The following MEGF11 variants were observed in gnomAD, a reference collection of about 807,000 sequenced individuals.
The protein encoded by MEGF11 is multiple EGF like domains 11.
MEGF11 carries 126 observed loss-of-function variants against 146.6 expected under a neutral mutation model. The observed-to-expected ratio is 0.86, with a 90% CI of 0.74 to 1.00. The LOEUF is 1.00. MEGF11 is among the 50% of genes least tolerant of loss of function. The pLI is 0.00. For synonymous variants in MEGF11, 532 were observed against 583.4 expected (o/e 0.91, Z 1.27); for missense variants, 1,509 against 1,521.2 (o/e 0.99, Z 0.13).
At chr15:66,022,692 T>A (rs1345400503) in intron 5 of MEGF11, among the ~76,000 whole-genome samples, 1 of 150,852 alleles carries the variant, frequency 6.6e-6, no homozygotes. Flanking sequence ...AGCTGAGGCG[T>A]GGTGGCGCAT....
chr15:66,014,598 CA>C (rs1240765273), intron 5 of MEGF11, among the ~76,000 whole-genome samples: 1 of 152,164 alleles, frequency 6.6e-6, no homozygotes, highest in Non-Finnish European at 1.5e-5. Context: ...CAGGGTACCC[CA>C]GGAGGAGAGT....
chr15:66,123,197 A>G (rs1290507805), intron 3 of MEGF11, among the ~76,000 whole-genome samples: 8 of 152,196 alleles, frequency 5.3e-5, no homozygotes, highest in Non-Finnish European at 1.2e-4. Flanking sequence ...GAGTGACATG[A>G]TAACATATAA....
chr15:66,203,582 C>T (rs371966037), intron 1 of MEGF11, among the ~76,000 whole-genome samples: 80 of 152,276 alleles, frequency 5.3e-4, no homozygotes, highest in African/African-American at 1.8e-3. Context: ...AGAACTCTGA[C>T]CAGAGGTCCC....
intron 10 of MEGF11, among the ~76,000 whole-genome samples, chr15:65,945,782 G>A (rs1290264304): frequency 1.3e-5 from 2 of 152,094 alleles, no homozygotes; most frequent in African/African-American, 4.8e-5. Context: ...CAGCTCTCCT[G>A]GCTCCATCAC....
intron 4 of MEGF11, among the ~76,000 whole-genome samples, chr15:66,112,139 G>T (rs764308902): frequency 6.6e-6 from 1 of 151,060 alleles, no homozygotes; most frequent in East Asian, 1.9e-4. Context: ...GAATCAGCAG[G>T]CTCCATGAAC....
intron 24 of MEGF11, among the ~76,000 whole-genome samples, chr15:65,903,842 A>G (rs75457533): frequency 0.068 from 10,377 of 152,244 alleles, 370 homozygotes; most frequent in Middle Eastern, 0.099. Context: ...CTGTGACATC[A>G]TATTTTCCTC....
intron 1 of MEGF11, among the ~76,000 whole-genome samples, chr15:66,135,903 G>A (rs1484060430): frequency 6.6e-6 from 1 of 152,138 alleles, no homozygotes; most frequent in Non-Finnish European, 1.5e-5. Context: ...TCACTCTGCT[G>A]GTGCACAGGG....
chr15:65,946,680 A>C (rs898933285), intron 10 of MEGF11, among the ~76,000 whole-genome samples: 1 of 152,194 alleles, frequency 6.6e-6, no homozygotes, highest in South Asian at 2.1e-4. Context: ...GGTGTGAGCC[A>C]CTGCACCAAG....
At chr15:65,942,848 T>C in intron 10 of MEGF11, among the ~76,000 whole-genome samples, 1 of 151,986 alleles carries the variant, frequency 6.6e-6, no homozygotes. Flanking sequence ...ATCCTGGGCC[T>C]CAGTCTTCAG....
chr15:66,079,264 A>G (rs1191793491), intron 5 of MEGF11, among the ~76,000 whole-genome samples: 1 of 151,902 alleles, frequency 6.6e-6, no homozygotes, highest in Non-Finnish European at 1.5e-5. Context: ...ACAGATGAGG[A>G]CCCTCAGAAG....
chr15:65,899,498 A>G (rs1342281434), intron 24 of MEGF11, among the ~76,000 whole-genome samples: 1 of 152,166 alleles, frequency 6.6e-6, no homozygotes, highest in Non-Finnish European at 1.5e-5. Context: ...ACGTGCCACC[A>G]CACCTGACTT....
At chr15:65,904,720 A>G (rs1470722480) in intron 24 of MEGF11, among the ~76,000 whole-genome samples, 5 of 152,194 alleles carry the variant, frequency 3.3e-5, no homozygotes, top group Non-Finnish European at 7.3e-5. Flanking sequence ...GCATAAGGGT[A>G]CCCTGAGGGT....
intron 5 of MEGF11, among the ~76,000 whole-genome samples, chr15:66,080,511 C>G (rs2085803048): frequency 5.3e-5 from 8 of 152,254 alleles, no homozygotes. Context: ...GGCTTCTGCT[C>G]AAAGTTCTTG....
intron 1 of MEGF11, among the ~76,000 whole-genome samples, chr15:66,211,586 C>T (rs2091454806): frequency 6.6e-6 from 1 of 151,578 alleles, no homozygotes; most frequent in African/African-American, 2.4e-5. Flanking sequence ...CCGAGGGTCT[C>T]TCAGCCAGTC....
chr15:65,997,824 T>C (rs2082246684), intron 5 of MEGF11, among the ~76,000 whole-genome samples: 1 of 152,158 alleles, frequency 6.6e-6, no homozygotes, highest in Non-Finnish European at 1.5e-5. Context: ...AAGAGCTTGA[T>C]AGAAAACAAT....
intron 1 of MEGF11, among the ~76,000 whole-genome samples, chr15:66,226,553 A>G (rs2091857625): frequency 6.6e-6 from 1 of 152,138 alleles, no homozygotes; most frequent in African/African-American, 2.4e-5. Context: ...CAGCCCCTTA[A>G]TTTACTTAAT....
Position 65,982,285 on chromosome 15 carries a change from G to C in MEGF11, c.598C>G (p.Arg200Gly). ...GGTGCGCAGAGGCACTCGCCGGCGCGGGGGTCGCAGCTGGCACCGTGTCGG... is the reference window on the plus strand; with the variant it reads ...GGTGCGCAGAGGCACTCGCCGGCGCCGGGGTCGCAGCTGGCACCGTGTCGG... ...QCRHGASCDP[R>G]AGECLCAPGY... Residue 200 changes from arginine to glycine, a missense_variant, in exon 6 of 26, where the codon CGC becomes GGC. Physicochemically the swap from Arg to Gly is moderately radical, Grantham distance 125. Coordinates refer to ENST00000395614, the MANE Select transcript of MEGF11 (RefSeq NM_001385028.1). This position sits in a 1 kb window ranked among gnomAD's most constrained non-coding sequence, Gnocchi z 5.6. The C allele has an allele frequency of 6.5e-7, 1 of 1,540,140 alleles. No individual in the cohort carries two copies. Among genetic ancestry groups the C allele is most frequent in the African/African-American group, 1.4e-5 (1 of 72,968 alleles).
intron 1 of MEGF11, among the ~76,000 whole-genome samples, chr15:66,159,541 C>A (rs2141069352): frequency 6.6e-6 from 1 of 152,330 alleles, no homozygotes; most frequent in East Asian, 1.9e-4. Flanking sequence ...TCTAGGCACA[C>A]CCTCTGCATA....
In MEGF11 at chr15:66,089,768, A is replaced by G. The variant is rs180695103; in HGVS notation, c.394+4634T>C. ...AGTTATGAATAATGTTTCTATCTCAATCATTGTCAGTGCTTTAATATTCCT... is the reference window on the plus strand; with the variant it reads ...AGTTATGAATAATGTTTCTATCTCAGTCATTGTCAGTGCTTTAATATTCCT... On this transcript the variant is annotated intron_variant, in intron 5 of 25. Coordinates refer to ENST00000395614, the MANE Select transcript of MEGF11 (RefSeq NM_001385028.1). Among the ~76,000 whole-genome samples the G allele has an allele frequency of 6.6e-5, 10 of 152,334 alleles. No individual in the cohort carries two copies. The East Asian group carries it at 1.9e-3, about 29-fold the overall frequency.
Sources: gnomAD v4.1 joint callset for allele counts (sites outside exome capture counted in the v4.1 genomes callset) on GRCh38, gnomAD v4.1.1 for gene constraint, Gnocchi (gnomAD v3.1) non-coding constraint, MANE v1.5 for transcripts, NCBI Gene and HGNC (gene_info 2026-07-23, HGNC 2026-07-21) for gene names.